The following RASAL2 variants were observed in gnomAD, a reference collection of about 807,000 sequenced individuals.
The protein encoded by RASAL2 is RAS protein activator like 2.
RASAL2 carries 58 observed loss-of-function variants against 128.9 expected under a neutral mutation model. The observed-to-expected ratio is 0.45, with a 90% CI of 0.36 to 0.56. RASAL2 has a LOEUF of 0.56. RASAL2 is among the 20% of genes least tolerant of loss of function. RASAL2 has a pLI of 0.00. For synonymous variants in RASAL2, 561 were observed against 580.8 expected, an observed-to-expected ratio of 0.97 and a Z score of 0.49; for missense variants, 1,360 against 1,601.6, an observed-to-expected ratio of 0.85 and a Z score of 2.57.
At chr1:178,190,048 A>G (rs1349910945) in intron 1 of RASAL2, among the ~76,000 whole-genome samples, 1 of 144,992 alleles carries the variant, frequency 6.9e-6, no homozygotes, top group Non-Finnish European at 1.5e-5. Context: ...ATGCTGCTAA[A>G]TAAACATCCT....
intron 1 of RASAL2, among the ~76,000 whole-genome samples, chr1:178,228,079 T>C (rs1663858926): frequency 6.6e-6 from 1 of 152,224 alleles, no homozygotes; most frequent in Non-Finnish European, 1.5e-5. Context: ...TCGTTAATAA[T>C]AGAACATAAT....
intron 1 of RASAL2, among the ~76,000 whole-genome samples, chr1:178,257,710 C>T (rs1665440431): frequency 6.6e-6 from 1 of 151,682 alleles, no homozygotes; most frequent in African/African-American, 2.4e-5. Flanking sequence ...GGCTTGGTGG[C>T]GTGTGCTTGT....
intron 5 of RASAL2, among the ~76,000 whole-genome samples, chr1:178,423,378 C>G (rs149319892): frequency 3.9e-5 from 6 of 152,236 alleles, no homozygotes; most frequent in African/African-American, 9.6e-5. Context: ...TTCCCACCAA[C>G]AAATTGAGAT....
chr1:178,288,220 C>T (rs1042487372), intron 2 of RASAL2, among the ~76,000 whole-genome samples: 1 of 152,156 alleles, frequency 6.6e-6, no homozygotes, highest in Non-Finnish European at 1.5e-5. Flanking sequence ...TCACAATTTG[C>T]AGATAGCACA....
rs1034666648 is a variant in RASAL2 at position 178,444,768 on chromosome 1, C to A, written c.1483-750C>A. On this transcript the variant is annotated intron_variant, in intron 8 of 17. Coordinates refer to ENST00000367649, the MANE Select transcript of RASAL2 (RefSeq NM_170692.4). ...CTTCAAGTGATGAGTTCAGTAGATT[C>A]TACATTGACACTGTGGACCGATTTG... Among the ~76,000 whole-genome samples the A allele has an allele frequency of 7.9e-5, 12 of 152,194 alleles. 1 individual carries two copies. Among genetic ancestry groups the A allele is most frequent in the African/African-American group, 2.9e-4 (12 of 41,524 alleles).
intron 1 of RASAL2, among the ~76,000 whole-genome samples, chr1:178,165,296 A>G (rs189428390): frequency 1.3e-5 from 2 of 152,258 alleles, no homozygotes; most frequent in South Asian, 2.1e-4. Flanking sequence ...TGTGGATTCA[A>G]CCAACCAAAG....
chr1:178,441,544 T>C lies in RASAL2; in HGVS notation c.829-5T>C, dbSNP rs775262306. ...TTTTTCTTATGTCTAATTTTTATGT[T>C]GAAGGTTACCTACTTAAGTGGAAGT... On this transcript the variant is annotated splice_polypyrimidine_tract_variant and splice_region_variant and intron_variant, in intron 6 of 17. Coordinates refer to ENST00000367649, the MANE Select transcript of RASAL2 (RefSeq NM_170692.4). 2.5e-6 allele frequency: 4 copies of C among 1,609,448 alleles called. No individual in the cohort carries two copies. Among genetic ancestry groups the C allele is most frequent in the Non-Finnish European group, 3.4e-6 (4 of 1,176,630 alleles).
rs183225302 is a variant in RASAL2 at position 178,278,200 on chromosome 1, C to T, written c.203-5364C>T. 5.3e-5 allele frequency among the ~76,000 whole-genome samples: 8 copies of T among 152,286 alleles called. No individual in the cohort carries two copies. In the South Asian group the frequency reaches 6.2e-4, roughly 12 times the overall value. On this transcript the variant is annotated intron_variant, in intron 1 of 17. Transcript: ENST00000367649. ...GTGTGAATTTCTGGTACCTCCACCCCGTCCTGCTAGTGTACATGTGGGCCC... is the reference window on the plus strand; with the variant it reads ...GTGTGAATTTCTGGTACCTCCACCCTGTCCTGCTAGTGTACATGTGGGCCC...
chr1:178,371,205 T>A (rs1479301180), intron 3 of RASAL2, among the ~76,000 whole-genome samples: 2 of 151,542 alleles, frequency 1.3e-5, no homozygotes, highest in East Asian at 1.9e-4. Flanking sequence ...ATGTAAAAAA[T>A]TCATCTGGAT....
At chr1:178,181,658 C>T (rs1488899616) in intron 1 of RASAL2, among the ~76,000 whole-genome samples, 1 of 151,998 alleles carries the variant, frequency 6.6e-6, no homozygotes, top group Non-Finnish European at 1.5e-5. Flanking sequence ...TTCTGAGATC[C>T]GATCCATCTT....
intron 2 of RASAL2, among the ~76,000 whole-genome samples, chr1:178,299,656 C>T (rs1310613882): frequency 1.3e-5 from 2 of 152,006 alleles, no homozygotes; most frequent in Non-Finnish European, 2.9e-5. Context: ...CGCCACCACG[C>T]CCAGCTAATT....
At chr1:178,169,862 A>G (rs1393083038) in intron 1 of RASAL2, among the ~76,000 whole-genome samples, 1 of 152,008 alleles carries the variant, frequency 6.6e-6, no homozygotes, top group Non-Finnish European at 1.5e-5. Flanking sequence ...TAGGGTGTTT[A>G]CACTTGCCAG....
intron 1 of RASAL2, among the ~76,000 whole-genome samples, chr1:178,131,321 C>T (rs572437864): frequency 3.6e-4 from 55 of 151,674 alleles, no homozygotes; most frequent in African/African-American, 1.3e-3. Context: ...ATCCTCCTGC[C>T]TCAGCCTCCT....
At chr1:178,470,003 G>C (rs2102963206) in intron 17 of RASAL2, among the ~76,000 whole-genome samples, 1 of 152,286 alleles carries the variant, frequency 6.6e-6, no homozygotes, top group Non-Finnish European at 1.5e-5. Context: ...TTAAAAGGAA[G>C]GTTTCTTAAT....
intron 2 of RASAL2, among the ~76,000 whole-genome samples, chr1:178,296,356 G>A (rs977346344): frequency 4.6e-5 from 7 of 151,630 alleles, no homozygotes; most frequent in Admixed American, 3.3e-4. Flanking sequence ...TAAAGTGCTC[G>A]GTTTTGTTTG....
intron 3 of RASAL2, among the ~76,000 whole-genome samples, chr1:178,373,206 A>G (rs549700497): frequency 6.8e-6 from 1 of 146,918 alleles, no homozygotes; most frequent in African/African-American, 2.6e-5. Context: ...TTATTTGAAA[A>G]TCTTTCTTAT....
chr1:178,253,700 T>C (rs1044548056), intron 1 of RASAL2, among the ~76,000 whole-genome samples: 5 of 152,030 alleles, frequency 3.3e-5, no homozygotes, highest in African/African-American at 4.8e-5. Context: ...AAGGTGCTCA[T>C]TGGGGGAGCT....
intron 1 of RASAL2, among the ~76,000 whole-genome samples, chr1:178,247,292 TG>T (rs1664809516): frequency 6.6e-6 from 1 of 152,160 alleles, no homozygotes; most frequent in East Asian, 1.9e-4. Context: ...GGTTTAGTCT[TG>T]GCAGGGTGTG....
chr1:178,189,216 C>A (rs920817182), intron 1 of RASAL2, among the ~76,000 whole-genome samples: 4 of 152,112 alleles, frequency 2.6e-5, no homozygotes, highest in Non-Finnish European at 5.9e-5. Flanking sequence ...AATTACAGTT[C>A]TTATATTCCT....
Sources: gnomAD v4.1 joint callset for allele counts (sites outside exome capture counted in the v4.1 genomes callset) on GRCh38, gnomAD v4.1.1 for gene constraint, MANE v1.5 for transcripts, NCBI Gene and HGNC (gene_info 2026-07-23, HGNC 2026-07-21) for gene names.